Variants in RAPGEF4 observed in about 807,000 individuals in gnomAD.
RAPGEF4 encodes the protein Rap guanine nucleotide exchange factor 4.
A neutral mutation model predicts 147.9 loss-of-function variants in RAPGEF4; 66 were observed. That is an observed-to-expected ratio of 0.45 (90% confidence interval 0.37 to 0.55). RAPGEF4 has a LOEUF of 0.55. RAPGEF4 is among the 20% of genes least tolerant of loss of function. The pLI is 0.00. For missense variants in RAPGEF4, 1,071 were observed against 1,257.3 expected, an observed-to-expected ratio of 0.85 and a Z score of 2.24; for synonymous variants, 419 against 442.7, an observed-to-expected ratio of 0.95 and a Z score of 0.67.
intron 10 of RAPGEF4, among the ~76,000 whole-genome samples, chr2:172,979,909 T>G (rs536774871): frequency 1.3e-5 from 2 of 152,222 alleles, no homozygotes; most frequent in Admixed American, 6.5e-5. Context: ...TCCCAGCTAC[T>G]CAGGAGGCTG....
intron 4 of RAPGEF4, among the ~76,000 whole-genome samples, chr2:172,825,017 A>G (rs1232134819): frequency 6.6e-6 from 1 of 152,214 alleles, no homozygotes; most frequent in Non-Finnish European, 1.5e-5. Context: ...TCTGCCACCA[A>G]CAGTATTTGA....
chr2:173,032,991 G>A (rs1318025022), intron 26 of RAPGEF4, among the ~76,000 whole-genome samples: 1 of 152,178 alleles, frequency 6.6e-6, no homozygotes, highest in Non-Finnish European at 1.5e-5. Flanking sequence ...AGCCCTGTCA[G>A]GAGAGAGAAG....
At position 172,831,266 on chromosome 2, in the gene RAPGEF4, C is replaced by CTTTTT. The variant is rs71018521; in HGVS notation, c.444+16856_444+16860dup. Among the ~76,000 whole-genome samples, 441 of 53,856 alleles carry CTTTTT rather than the reference C, an allele frequency of 8.2e-3. 66 individuals are homozygous for CTTTTT. The highest frequency in any genetic ancestry group is 0.026 in the African/African-American group (409 of 16,002). 35.3% of individuals were successfully genotyped at this position (53,856 alleles called of 152,430 possible). The stretch of plus-strand genomic sequence containing the variant: ...AAATGTGACTGTTTCAGATAGAAAA[C>CTTTTT]TTTTTTTTTTTTTTTTTTTGAGACA... On this transcript the variant is annotated intron_variant, in intron 4 of 30. Transcript: ENST00000397081.
chr2:172,974,545 G>A (rs1196596159), intron 10 of RAPGEF4, among the ~76,000 whole-genome samples: 6 of 152,082 alleles, frequency 3.9e-5, no homozygotes, highest in South Asian at 2.1e-4. Context: ...TCAGCCAGGC[G>A]TAATGGTGCA....
intron 4 of RAPGEF4, among the ~76,000 whole-genome samples, chr2:172,880,092 A>G (rs536164560): frequency 1.3e-5 from 2 of 152,298 alleles, no homozygotes; most frequent in South Asian, 4.1e-4. Flanking sequence ...TTACCTGCAG[A>G]CTGAAGGGGT....
chr2:172,988,903 G>T (rs1483461907), intron 14 of RAPGEF4, 64 bp downstream of exon 14: 1 of 1,527,666 alleles, frequency 6.5e-7, no homozygotes, highest in Non-Finnish European at 9.0e-7. Flanking sequence ...AATAAGCAAA[G>T]CTTTGAGCAT....
intron 6 of RAPGEF4, among the ~76,000 whole-genome samples, chr2:172,947,620 A>G (rs1477277802): frequency 2.0e-5 from 3 of 152,138 alleles, no homozygotes; most frequent in Non-Finnish European, 2.9e-5. Flanking sequence ...AAATTGCTGC[A>G]TGTTGGGCTG....
At chr2:172,821,774 T>C in intron 4 of RAPGEF4, 1 of 1,224,028 alleles carries the variant, frequency 8.2e-7, no homozygotes, top group Non-Finnish European at 1.0e-6. Flanking sequence ...AAGTGTTTTC[T>C]TATTGCCTTA....
chr2:172,810,034 G>A (rs1329385080), intron 3 of RAPGEF4, among the ~76,000 whole-genome samples: 1 of 152,188 alleles, frequency 6.6e-6, no homozygotes, highest in Admixed American at 6.5e-5. Flanking sequence ...TTGGCTGACT[G>A]AAATAAGAAT....
rs568247034 is a variant in RAPGEF4 at position 172,910,882 on chromosome 2, C to G, written c.445-6920C>G. On this transcript the variant is annotated intron_variant, in intron 4 of 30. Transcript: ENST00000397081. ...ATCCGCTGCATCCTATTGGTTACAA[C>G]AGAATCACACAGGTCAGCCCAAGTT... Among the ~76,000 whole-genome samples, 13 of 152,338 alleles carry G rather than the reference C, an allele frequency of 8.5e-5. No homozygotes were observed. The South Asian group carries it at 2.5e-3, about 29-fold the overall frequency.
chr2:172,985,313 A>T, intron 11 of RAPGEF4, 120 bp from the exon 12 acceptor site: 1 of 1,338,302 alleles, frequency 7.5e-7, no homozygotes, highest in Non-Finnish European at 1.1e-6. Flanking sequence ...AAGAGAGGTG[A>T]GAGATGACTG....
chr2:173,041,590 A>C (rs1386431221), intron 29 of RAPGEF4, among the ~76,000 whole-genome samples: 2 of 152,252 alleles, frequency 1.3e-5, no homozygotes, highest in African/African-American at 4.8e-5. Flanking sequence ...AATAGTAATA[A>C]AAGATGTCAG....
intron 1 of RAPGEF4, among the ~76,000 whole-genome samples, chr2:172,763,871 A>T (rs1696577989): frequency 6.6e-6 from 1 of 152,166 alleles, no homozygotes; most frequent in Non-Finnish European, 1.5e-5. Context: ...ATACATATTC[A>T]TATTTCCTTT....
chr2:172,867,777 A>C (rs1694804481), intron 4 of RAPGEF4, among the ~76,000 whole-genome samples: 1 of 152,260 alleles, frequency 6.6e-6, no homozygotes, highest in African/African-American at 2.4e-5. Flanking sequence ...ATTTCCATCC[A>C]GGCCAATCTA....
chr2:172,929,269 T>C (rs1318726287), intron 6 of RAPGEF4, among the ~76,000 whole-genome samples: 1 of 152,226 alleles, frequency 6.6e-6, no homozygotes, highest in Non-Finnish European at 1.5e-5. Context: ...GTTTAGATTC[T>C]CTTCTACCAA....
intron 4 of RAPGEF4, chr2:172,821,464 C>A: frequency 1.6e-6 from 1 of 616,472 alleles, no homozygotes; most frequent in Non-Finnish European, 2.0e-6. Context: ...CAGAAATTTG[C>A]ATCAAAGGAC....
intron 8 of RAPGEF4, among the ~76,000 whole-genome samples, chr2:172,963,196 C>T (rs149669575): frequency 2.2e-3 from 330 of 152,308 alleles, no homozygotes; most frequent in Admixed American, 3.5e-3. Context: ...TCACCTCCCA[C>T]CAGGCCCTTC....
intron 1 of RAPGEF4, among the ~76,000 whole-genome samples, chr2:172,757,243 G>C (rs1695865985): frequency 6.6e-6 from 1 of 152,190 alleles, no homozygotes; most frequent in Non-Finnish European, 1.5e-5. Flanking sequence ...CTCTAAACTT[G>C]CCATTATTTA....
At position 172,965,630 on chromosome 2, in the gene RAPGEF4, C is replaced by A. The variant is rs747110410; in HGVS notation, c.767C>A (p.Thr256Asn). 36 of 1,614,028 alleles carry A rather than the reference C, an allele frequency of 2.2e-5. No homozygotes were observed. The highest frequency in any genetic ancestry group is 3.0e-5 in the Non-Finnish European group (35 of 1,180,016). ...MQQTPCVHSR[T>N]QAVGMWQVLL... ...CAGACACCATGTGTTCACTCCCGGA[C>A]TCAAGCTGTTGGCATGTGGCAAGTC... The change falls in exon 9 of 31, where the codon ACT (threonine) becomes AAT (asparagine). Residue 256 changes from threonine to asparagine, a missense_variant. Thr to Asn is a moderately conservative substitution (Grantham distance 65, BLOSUM62 0). Transcript: ENST00000397081.
Sources: gnomAD v4.1 joint callset for allele counts (sites outside exome capture counted in the v4.1 genomes callset) on GRCh38, gnomAD v4.1.1 for gene constraint, MANE v1.5 for transcripts, NCBI Gene and HGNC (gene_info 2026-07-23, HGNC 2026-07-21) for gene names.